Variants in CLCA2 observed in about 807,000 individuals in gnomAD.
CLCA2 encodes the protein chloride channel accessory 2.
In CLCA2, 85 loss-of-function variants were observed where a neutral mutation model predicts 82.9. That is an observed-to-expected ratio of 1.03 (90% CI 0.86 to 1.23). The LOEUF is 1.23. Among genes scored for constraint, CLCA2 ranks in the 50% most tolerant of loss-of-function variants. CLCA2 has a pLI of 0.00. For synonymous variants in CLCA2, 421 were observed against 391.7 expected (o/e 1.07, Z -0.88); for missense variants, 1,089 against 1,124.8 (o/e 0.97, Z 0.45).
At chr1:86,432,267 C>A in intron 4 of CLCA2, 102 bp from the exon 5 acceptor site, 1 of 1,378,496 alleles carries the variant, frequency 7.3e-7, no homozygotes. Flanking sequence ...TTGTATATAT[C>A]TAGCAGGCTA....
rs766354378 is a variant in CLCA2 at position 86,447,493 on chromosome 1, A to G, written c.1714-15A>G. ...TTTTTTCACACTTTCCAAAACAATAAGACTTGTTTTACAGCCTGGGCACTG... is the reference window on the plus strand; with the variant it reads ...TTTTTTCACACTTTCCAAAACAATAGGACTTGTTTTACAGCCTGGGCACTG... On this transcript the variant is annotated splice_polypyrimidine_tract_variant and intron_variant, in intron 10 of 13. Coordinates refer to ENST00000370565, the MANE Select transcript of CLCA2 (RefSeq NM_006536.7). 3 of 1,605,928 alleles carry G rather than the reference A, an allele frequency of 1.9e-6. No individual in the cohort carries two copies. The highest frequency in any genetic ancestry group is 2.6e-6 in the Non-Finnish European group (3 of 1,174,614).
chr1:86,428,401 C>CA lies in CLCA2; in HGVS notation c.325-16dup. ...ACAGAGCTGAGAAAGTATTACAAGG[C>CA]ATTTCTTTTAATTTAGGCAAATGTC... On this transcript the variant is annotated splice_polypyrimidine_tract_variant and intron_variant, in intron 2 of 13. Transcript: ENST00000370565. 1 of 1,576,074 alleles carries CA rather than the reference C, an allele frequency of 6.3e-7. No homozygotes were observed. The highest frequency in any genetic ancestry group is 8.6e-7 in the Non-Finnish European group (1 of 1,161,338).
At chr1:86,443,030 A>G (rs986007951) in intron 9 of CLCA2, among the ~76,000 whole-genome samples, 1 of 146,920 alleles carries the variant, frequency 6.8e-6, no homozygotes, top group Non-Finnish European at 1.5e-5. Flanking sequence ...TGGCTAAATA[A>G]TTTTTTTTTT....
At chr1:86,454,233 T>C (rs1008245286) in intron 13 of CLCA2, among the ~76,000 whole-genome samples, 7 of 152,178 alleles carry the variant, frequency 4.6e-5, no homozygotes, top group Non-Finnish European at 8.8e-5. Context: ...ATTGTATTTT[T>C]CCCCCATTAA....
intron 5 of CLCA2, among the ~76,000 whole-genome samples, chr1:86,433,656 TAAAC>T (rs1370207652): frequency 1.3e-5 from 2 of 152,198 alleles, no homozygotes; most frequent in Non-Finnish European, 2.9e-5. Context: ...GAAAAAGAGT[TAAAC>T]AACGCAAAGC....
intron 6 of CLCA2, among the ~76,000 whole-genome samples, chr1:86,438,096 T>G (rs898085677): frequency 2.6e-5 from 4 of 152,104 alleles, no homozygotes; most frequent in African/African-American, 7.2e-5. Context: ...ACCTGTGTCC[T>G]AAGAAGTGTG....
At chr1:86,428,640 G>T (rs1050816265) in intron 3 of CLCA2, 72 bp downstream of exon 3, 19 of 1,521,744 alleles carry the variant, frequency 1.2e-5, no homozygotes, top group Admixed American at 1.9e-5. Flanking sequence ...GTGCTGAAAG[G>T]GACTCACTCA....
chr1:86,432,670 A>G, intron 5 of CLCA2, 142 bp downstream of exon 5: 2 of 983,386 alleles, frequency 2.0e-6, no homozygotes, highest in Non-Finnish European at 2.9e-6. Context: ...TTATCTACAG[A>G]TTTAAAAATT....
chr1:86,430,757 A>G, intron 3 of CLCA2, 105 bp from the exon 4 acceptor site: 1 of 829,442 alleles, frequency 1.2e-6, no homozygotes, highest in Admixed American at 2.1e-5. Flanking sequence ...CTCTTTGGTC[A>G]TTCCAAAGAG....
Position 86,439,271 on chromosome 1 carries a change from T to G in CLCA2, c.1203+165T>G, listed in dbSNP as rs56321760. On this transcript the variant is annotated intron_variant, in intron 7 of 13. Coordinates refer to ENST00000370565, the MANE Select transcript of CLCA2 (RefSeq NM_006536.7). ...TTTCAAGTCAGGAACCATGCCTTAT[T>G]CACCATTGTACTCCTTGTGCCTAGC... Among the ~76,000 whole-genome samples the G allele has an allele frequency of 6.0e-3, 921 of 152,352 alleles. 5 individuals carry two copies. The highest frequency in any genetic ancestry group is 0.02 in the Middle Eastern group (6 of 294).
chr1:86,436,176 T>C (rs1662606083), intron 6 of CLCA2, among the ~76,000 whole-genome samples: 1 of 152,204 alleles, frequency 6.6e-6, no homozygotes, highest in East Asian at 1.9e-4. Flanking sequence ...CTGAGCTAAA[T>C]TCTTGAGGTT....
intron 2 of CLCA2, 69 bp downstream of exon 2, chr1:86,425,545 C>A (rs778397588): frequency 5.5e-6 from 7 of 1,267,854 alleles, no homozygotes; most frequent in Admixed American, 2.9e-5. Context: ...TGTGCTCAAA[C>A]GATAAAAGTG....
At chr1:86,452,174 A>AG (rs1468967216) in intron 12 of CLCA2, among the ~76,000 whole-genome samples, 53 of 99,414 alleles carry the variant, frequency 5.3e-4, no homozygotes, top group African/African-American at 1.9e-3. Flanking sequence ...GAAACCTGGA[A>AG]GCTTTTTTTT....
rs952776925 is a variant in CLCA2 at position 86,447,612 on chromosome 1, T to C, written c.1818T>C (p.Thr606=). The C allele has an allele frequency of 1.1e-5, 17 of 1,614,042 alleles. No homozygotes were observed. In the African/African-American group the frequency reaches 2.3e-4, roughly 22 times the overall value. Residue 606 remains threonine (T), a synonymous_variant, in exon 11 of 14, where the codon ACT becomes ACC. Coordinates refer to ENST00000370565, the MANE Select transcript of CLCA2 (RefSeq NM_006536.7). ...CCAACTCAGCTGTGCCCCCAGCCAC[T>C]GTGGAAGCCTTTGTGGAAAGAGACA... ...RASNSAVPPA[T]VEAFVERDSL...
chr1:86,451,573 C>A (rs1662968507), intron 12 of CLCA2, among the ~76,000 whole-genome samples: 2 of 152,174 alleles, frequency 1.3e-5, no homozygotes. Flanking sequence ...ACCTCACTCT[C>A]CTGATTACCT....
chr1:86,429,513 ATAGAC>A (rs1347898711), intron 3 of CLCA2, among the ~76,000 whole-genome samples: 1 of 152,166 alleles, frequency 6.6e-6, no homozygotes, highest in Admixed American at 6.5e-5. Flanking sequence ...GTGAAGAGCA[ATAGAC>A]TATGCCAGGG....
At position 86,430,842 on chromosome 1, in the gene CLCA2, A is replaced by T. The variant is rs1193664830; in HGVS notation, c.476-20A>T. The T allele has an allele frequency of 6.2e-7, 1 of 1,602,622 alleles. No individual in the cohort carries two copies. The highest frequency in any genetic ancestry group is 1.3e-5 in the African/African-American group (1 of 74,562). ...GCTGAGATTTTAGAAGCTCAAAAGC[A>T]AAAGTTCTTTCTTCCGCAGGCCGAG... On this transcript the variant is annotated intron_variant, in intron 3 of 13. Transcript: ENST00000370565.
intron 2 of CLCA2, among the ~76,000 whole-genome samples, chr1:86,427,096 C>T (rs991272049): frequency 1.3e-5 from 2 of 152,076 alleles, no homozygotes; most frequent in African/African-American, 4.8e-5. Context: ...ACCCAAGGAC[C>T]AGCAAGGTAG....
At chr1:86,437,965 TG>T (rs1213675319) in intron 6 of CLCA2, among the ~76,000 whole-genome samples, 1 of 152,184 alleles carries the variant, frequency 6.6e-6, no homozygotes, top group Non-Finnish European at 1.5e-5. Flanking sequence ...TCTAAGTCCT[TG>T]TTTTACCCCC....
Sources: gnomAD v4.1 joint callset for allele counts (sites outside exome capture counted in the v4.1 genomes callset) on GRCh38, gnomAD v4.1.1 for gene constraint, MANE v1.5 for transcripts, NCBI Gene and HGNC (gene_info 2026-07-23, HGNC 2026-07-21) for gene names.